CACNA1C: variants seen among roughly 807,000 people sequenced by gnomAD.
CACNA1C encodes voltage-dependent L-type calcium channel subunit alpha-1C.
A neutral mutation model predicts 229.0 loss-of-function variants in CACNA1C; 30 were observed. The observed-to-expected ratio is 0.13, with a 90% CI of 0.10 to 0.18. The LOEUF (loss-of-function observed/expected upper bound fraction) is 0.18, where lower values mean the gene tolerates loss of function less well. CACNA1C is among the 10% of genes least tolerant of loss of function. The pLI is 1.00. For missense variants in CACNA1C, 1,658 were observed against 2,845.0 expected, an observed-to-expected ratio of 0.58 and a Z score of 9.49; for synonymous variants, 1,114 against 1,132.5, an observed-to-expected ratio of 0.98 and a Z score of 0.33.
intron 21 of CACNA1C, among the ~76,000 whole-genome samples, chr12:2,598,875 C>T (rs2070249871): frequency 6.6e-6 from 1 of 152,218 alleles, no homozygotes; most frequent in Non-Finnish European, 1.5e-5. Context: ...TTTTTCTTTT[C>T]TGCTCGTGGA....
intron 3 of CACNA1C, among the ~76,000 whole-genome samples, chr12:2,447,466 A>G (rs548835302): frequency 9.9e-5 from 15 of 152,264 alleles, no homozygotes; most frequent in African/African-American, 3.6e-4. Flanking sequence ...ACACCTGGAA[A>G]TTGTCTACGA....
At chr12:2,385,577 T>G (rs1054368367) in intron 3 of CACNA1C, among the ~76,000 whole-genome samples, 10 of 152,090 alleles carry the variant, frequency 6.6e-5, no homozygotes, top group Non-Finnish European at 8.8e-5. Flanking sequence ...GCCTGGAAAT[T>G]TGCAACAGTC....
chr12:2,166,991 T>C (rs2096266532), intron 3 of CACNA1C, among the ~76,000 whole-genome samples: 1 of 152,192 alleles, frequency 6.6e-6, no homozygotes, highest in South Asian at 2.1e-4. Flanking sequence ...GTGAGCAAGG[T>C]AGAAAAGGGC....
chr12:2,582,065 G>A (rs1344364410), intron 14 of CACNA1C, among the ~76,000 whole-genome samples: 1 of 151,836 alleles, frequency 6.6e-6, no homozygotes, highest in Non-Finnish European at 1.5e-5. Context: ...GAACCCAGGA[G>A]GCAGAGGTTG....
Position 2,383,597 on chromosome 12 carries a change from G to A in CACNA1C, c.478-65379G>A, listed in dbSNP as rs114133756. Reference sequence around the variant, plus strand: ...GTAAGTAGGGAATTTTCACTGCCTCGTCTGCAATGATAATGTGAATAGCAA... The same window carrying A: ...GTAAGTAGGGAATTTTCACTGCCTCATCTGCAATGATAATGTGAATAGCAA... On this transcript the variant is annotated intron_variant, in intron 3 of 46. Coordinates refer to ENST00000399655, the MANE Select transcript of CACNA1C (RefSeq NM_000719.7). Among the ~76,000 whole-genome samples the A allele has an allele frequency of 6.3e-3, 965 of 152,240 alleles. 7 individuals are homozygous for A. The highest frequency in any genetic ancestry group is 0.022 in the African/African-American group (916 of 41,540).
At chr12:2,304,120 G>A (rs2094814118) in intron 3 of CACNA1C, among the ~76,000 whole-genome samples, 3 of 152,112 alleles carry the variant, frequency 2.0e-5, no homozygotes, top group Admixed American at 6.5e-5. Context: ...GACGGAGCAG[G>A]GACCATTTGC....
chr12:2,668,773 T>C, intron 37 of CACNA1C, 160 bp from the exon 38 acceptor site: 1 of 618,052 alleles, frequency 1.6e-6, no homozygotes, highest in Non-Finnish European at 2.9e-6. Flanking sequence ...CATGATGCAA[T>C]CACCTTCCAT....
intron 3 of CACNA1C, among the ~76,000 whole-genome samples, chr12:2,419,227 G>A (rs371658971): frequency 2.5e-4 from 38 of 152,302 alleles, no homozygotes; most frequent in East Asian, 1.2e-3. Flanking sequence ...CAGCACCAGC[G>A]TCAGCTTCTG....
At chr12:2,136,303 G>A (rs1391452849) in intron 3 of CACNA1C, among the ~76,000 whole-genome samples, 1 of 151,262 alleles carries the variant, frequency 6.6e-6, no homozygotes, top group Admixed American at 6.7e-5. Context: ...TTCCTATTCG[G>A]CCATCTTGGC....
In CACNA1C at chr12:2,595,469, G is replaced by A. The variant is rs1029134877; in HGVS notation, c.2664-405G>A. Among the ~76,000 whole-genome samples, 5 of 152,178 alleles carry A rather than the reference G, an allele frequency of 3.3e-5. No individual in the cohort carries two copies. In the South Asian group the frequency reaches 6.2e-4, roughly 19 times the overall value. On this transcript the variant is annotated intron_variant, in intron 19 of 46. Transcript: ENST00000399655. This position sits in a 1 kb window ranked among gnomAD's most constrained non-coding sequence, Gnocchi z 4.1. ...AGGAGCAGATCACCTACAGAGAGCC[G>A]GTTTGGCTGGCCTCTCAGCATACCC...
chr12:2,092,525 T>G (rs1206677915), intron 1 of CACNA1C, among the ~76,000 whole-genome samples: 1 of 152,150 alleles, frequency 6.6e-6, no homozygotes, highest in African/African-American at 2.4e-5. Context: ...AAAGGTGTTG[T>G]TTGTTCTCTT....
At chr12:2,580,373 C>A (rs904997348) in intron 13 of CACNA1C, among the ~76,000 whole-genome samples, 3 of 152,164 alleles carry the variant, frequency 2.0e-5, no homozygotes, top group Non-Finnish European at 4.4e-5. Flanking sequence ...AGAGATGAGC[C>A]CAGGCTGTGG....
chr12:2,607,224 T>C, intron 26 of CACNA1C, 94 bp downstream of exon 26: 1 of 1,338,202 alleles, frequency 7.5e-7, no homozygotes, highest in South Asian at 1.4e-5. Context: ...TGTCCCGCAC[T>C]CCCTCTGGAG....
intron 3 of CACNA1C, among the ~76,000 whole-genome samples, chr12:2,372,072 T>C (rs2097884404): frequency 6.6e-6 from 1 of 152,200 alleles, no homozygotes; most frequent in African/African-American, 2.4e-5. Context: ...CATTTGTTGT[T>C]TTACTGGACC....
chr12:2,495,289 G>A (rs1240630651), intron 7 of CACNA1C, among the ~76,000 whole-genome samples: 3 of 152,192 alleles, frequency 2.0e-5, no homozygotes, highest in Non-Finnish European at 2.9e-5. Flanking sequence ...GACCAGCCAA[G>A]GACAGAAACA....
intron 3 of CACNA1C, among the ~76,000 whole-genome samples, chr12:2,187,024 C>G (rs2097050371): frequency 6.6e-6 from 1 of 152,188 alleles, no homozygotes; most frequent in South Asian, 2.1e-4. Context: ...CCTTGCCTGT[C>G]CTGCTGCCCC....
intron 3 of CACNA1C, among the ~76,000 whole-genome samples, chr12:2,153,920 A>G (rs761238622): frequency 2.2e-4 from 34 of 152,178 alleles, no homozygotes; most frequent in Non-Finnish European, 4.4e-4. Flanking sequence ...TGCCACCTCA[A>G]CAAGTGCAGC....
chr12:2,411,065 A>G (rs765241343), intron 3 of CACNA1C, among the ~76,000 whole-genome samples: 4 of 152,038 alleles, frequency 2.6e-5, no homozygotes, highest in South Asian at 2.1e-4. Context: ...GATCAGCGCA[A>G]ATCTCACCAT....
Position 2,512,696 on chromosome 12 carries a change from A to C in CACNA1C, c.1218-116A>C. On this transcript the variant is annotated intron_variant, in intron 8 of 46. Transcript: ENST00000399655. The surrounding 1 kb of genome is among the most constrained non-coding windows in gnomAD (Gnocchi z 4.3). ...CGTGTGGGCAGGTTTCTCCCTGCAA[A>C]GCAATTAAGACTCTTGTTTCTCCTT... 1.3e-6 allele frequency: 1 copy of C among 789,236 alleles called. No individual in the cohort carries two copies. Among genetic ancestry groups the C allele is most frequent in the East Asian group, 2.8e-5 (1 of 35,994 alleles). 48.9% of individuals were successfully genotyped at this position (789,236 alleles called of 1,614,324 possible). A position where few individuals can be genotyped will look rare whatever the true frequency, so the allele number is the denominator to read the frequency against.
Sources: allele counts gnomAD v4.1 joint callset (sites outside exome capture counted in the v4.1 genomes callset), GRCh38; gene constraint gnomAD v4.1.1; non-coding constraint Gnocchi (gnomAD v3.1); transcripts MANE v1.5; gene names NCBI Gene and HGNC (gene_info 2026-07-23, HGNC 2026-07-21).